GLRA3: variants seen among roughly 807,000 people sequenced by gnomAD.
GLRA3 encodes the protein glycine receptor subunit alpha-3.
GLRA3 carries 44 observed loss-of-function variants against 60.4 expected under a neutral mutation model. That is an observed-to-expected ratio of 0.73 (90% CI 0.57 to 0.94). The LOEUF is 0.94. Among genes scored for constraint, GLRA3 ranks in the 40% least tolerant of loss-of-function variants. The pLI, the probability that GLRA3 is intolerant of heterozygous loss-of-function variation, is 0.00. For missense variants in GLRA3, 508 were observed against 564.6 expected, an observed-to-expected ratio of 0.90 and a Z score of 1.02; for synonymous variants, 223 against 192.9, an observed-to-expected ratio of 1.16 and a Z score of -1.29.
intron 9 of GLRA3, among the ~76,000 whole-genome samples, chr4:174,647,825 C>G (rs1459580259): frequency 6.6e-6 from 1 of 152,074 alleles, no homozygotes; most frequent in African/African-American, 2.4e-5. Context: ...TCCTTGAAAC[C>G]TGGCATGTGT....
rs1732697868 is a variant in GLRA3, at chr4:174,643,731, T to C, written c.*55A>G. ...GCACACATATACACATACACACCTA[T>C]GGCAGAGACACTTTCTTCTGAATTG... is the stretch of plus-strand genomic sequence containing the variant. On this transcript the variant is annotated 3_prime_UTR_variant, in exon 10 of 10. Transcript: ENST00000274093. The C allele has an allele frequency of 6.3e-7, 1 of 1,576,436 alleles. No homozygotes were observed. Among genetic ancestry groups the C allele is most frequent in the Admixed American group, 1.8e-5 (1 of 56,826 alleles).
intron 3 of GLRA3, among the ~76,000 whole-genome samples, chr4:174,753,958 TACAGA>T (rs1737584595): frequency 1.4e-5 from 2 of 146,826 alleles, no homozygotes; most frequent in Non-Finnish European, 3.1e-5. Flanking sequence ...TCTCTCAGGA[TACAGA>T]TTTTTTTTTT....
chr4:174,659,449 T>C (rs750060488), intron 7 of GLRA3, among the ~76,000 whole-genome samples: 1 of 152,214 alleles, frequency 6.6e-6, no homozygotes, highest in South Asian at 2.1e-4. Flanking sequence ...AGATGAAATA[T>C]AATTTTACCT....
intron 2 of GLRA3, among the ~76,000 whole-genome samples, chr4:174,775,838 A>G (rs976257857): frequency 2.0e-5 from 3 of 152,118 alleles, no homozygotes; most frequent in Non-Finnish European, 2.9e-5. Context: ...TAAAAATGAC[A>G]TTACATAATA....
intron 3 of GLRA3, 40 bp from the exon 4 acceptor site, chr4:174,728,738 G>C: frequency 7.7e-7 from 1 of 1,299,838 alleles, no homozygotes; most frequent in South Asian, 1.3e-5. Context: ...AAAAAACCCT[G>C]CTTTAAAAAG....
Position 174,715,564 on chromosome 4 carries a change from T to A in GLRA3, c.498A>T (p.Thr166=). The A allele has an allele frequency of 6.9e-7, 1 of 1,454,154 alleles. No individual in the cohort carries two copies. 90.1% of individuals were successfully genotyped at this position (1,454,154 alleles called of 1,614,324 possible). Residue 166 remains threonine, a synonymous_variant, in exon 5 of 10, where the codon ACA becomes ACT. Coordinates refer to ENST00000274093, the MANE Select transcript of GLRA3 (RefSeq NM_006529.4). ...GATCCATTGGACAGGAAAGTGTTAA[T>A]GTTAATCTGAAAGTCAAAGTAATTA... The part of the protein sequence containing the change: ...NGNVLYSIRL[T]LTLSCPMDLK...
Position 174,639,372 on chromosome 4 carries a change from ATGTGTGTGTGTGTGTGTGTG to A in GLRA3, c.*4394_*4413del, listed in dbSNP as rs10541642. ...AATTCATCTCATTACCAATATGTGT[ATGTGTGTGTGTGTGTGTGTG>A]TGTGTGTGTGTGTGTGTGAAAGAGA... On this transcript the variant is annotated 3_prime_UTR_variant, in exon 10 of 10. Transcript: ENST00000274093. 8 of 146,650 alleles carry A rather than the reference ATGTGTGTGTGTGTGTGTGTG, an allele frequency of 5.5e-5. No individual in the cohort carries two copies. Among genetic ancestry groups the A allele is most frequent in the Non-Finnish European group, 1.2e-4 (8 of 66,642 alleles). The allele number at this position is 146,650 out of a possible 1,614,324, so 9.1% of individuals were successfully genotyped here.
chr4:174,722,066 A>G (rs1204944907), intron 4 of GLRA3, among the ~76,000 whole-genome samples: 1 of 151,970 alleles, frequency 6.6e-6, no homozygotes, highest in Non-Finnish European at 1.5e-5. Context: ...ATCTATATCT[A>G]TATCTGTATC....
intron 3 of GLRA3, among the ~76,000 whole-genome samples, chr4:174,765,878 C>G (rs934483732): frequency 1.3e-5 from 2 of 151,700 alleles, no homozygotes; most frequent in Non-Finnish European, 2.9e-5. Context: ...TTAAGCTATA[C>G]TAACTTTGAA....
intron 5 of GLRA3, among the ~76,000 whole-genome samples, chr4:174,700,352 A>G (rs1175346182): frequency 2.0e-5 from 3 of 152,146 alleles, no homozygotes; most frequent in Non-Finnish European, 4.4e-5. Context: ...TCTCTGTGTC[A>G]TATTTCAGTA....
chr4:174,658,952 C>T, intron 8 of GLRA3, 102 bp downstream of exon 8: 3 of 941,622 alleles, frequency 3.2e-6, no homozygotes, highest in East Asian at 5.0e-5. Context: ...ATCATTTCAT[C>T]CCCAGTCCCA....
intron 5 of GLRA3, among the ~76,000 whole-genome samples, chr4:174,683,343 G>A (rs977485476): frequency 1.3e-5 from 2 of 151,206 alleles, no homozygotes; most frequent in Admixed American, 1.3e-4. Context: ...ATTGTCACTC[G>A]TTAGAAAATG....
intron 9 of GLRA3, among the ~76,000 whole-genome samples, chr4:174,645,539 A>C (rs907808771): frequency 1.3e-5 from 2 of 152,134 alleles, no homozygotes; most frequent in African/African-American, 4.8e-5. Flanking sequence ...TAAAAATGAG[A>C]AGATGACCAA....
intron 5 of GLRA3, among the ~76,000 whole-genome samples, chr4:174,689,606 A>G (rs1240502650): frequency 6.6e-6 from 1 of 151,788 alleles, no homozygotes; most frequent in Non-Finnish European, 1.5e-5. Context: ...TCCTCTGTCT[A>G]TCATTCTACA....
chr4:174,708,461 T>C (rs767765442), intron 5 of GLRA3, among the ~76,000 whole-genome samples: 1 of 93,670 alleles, frequency 1.1e-5, no homozygotes, highest in African/African-American at 3.3e-5. Context: ...CTTTTGTTAA[T>C]TTTTTTTTTC....
At chr4:174,798,969 G>C (rs1739697573) in intron 1 of GLRA3, among the ~76,000 whole-genome samples, 1 of 152,014 alleles carries the variant, frequency 6.6e-6, no homozygotes, top group African/African-American at 2.4e-5. Context: ...TGGAGACAGA[G>C]AAATAGCTAA....
intron 2 of GLRA3, among the ~76,000 whole-genome samples, chr4:174,782,487 G>A (rs914670593): frequency 4.7e-5 from 7 of 149,308 alleles, no homozygotes; most frequent in African/African-American, 1.7e-4. Context: ...GCAGGAGAAG[G>A]AAATAAAGGG....
intron 1 of GLRA3, among the ~76,000 whole-genome samples, chr4:174,817,932 T>A (rs1740574345): frequency 6.6e-6 from 1 of 152,208 alleles, no homozygotes; most frequent in African/African-American, 2.4e-5. Context: ...TAATTAAATA[T>A]GAAATTATAG....
chr4:174,643,196 A>G lies in GLRA3; in HGVS notation c.*590T>C. The G allele has an allele frequency of 7.5e-6, 6 of 794,788 alleles. No homozygotes were observed. The highest frequency in any genetic ancestry group is 9.1e-6 in the Non-Finnish European group (6 of 656,986). The allele number at this position is 794,788 out of a possible 1,614,324, so 49.2% of individuals were successfully genotyped here. On this transcript the variant is annotated 3_prime_UTR_variant, in exon 10 of 10. Transcript: ENST00000274093. ...CAGAGGAAAACTTAATATTCTAAAC[A>G]ATTAAATTTAGTATTCCAAATCATT...
Sources: allele counts gnomAD v4.1 joint callset (sites outside exome capture counted in the v4.1 genomes callset), GRCh38; gene constraint gnomAD v4.1.1; transcripts MANE v1.5; gene names NCBI Gene and HGNC (gene_info 2026-07-23, HGNC 2026-07-21).